WWOX: variants seen among roughly 807,000 people sequenced by gnomAD.
The protein encoded by WWOX is WW domain containing oxidoreductase, also known as WW domain-containing oxidoreductase.
In WWOX, 69 loss-of-function variants were observed where a neutral mutation model predicts 46.2. That is an observed-to-expected ratio of 1.49 (90% CI 1.23 to 1.82). WWOX has a LOEUF of 1.82. Among genes scored for constraint, WWOX ranks in the 40% most tolerant of loss-of-function variants. The pLI is 0.00. For missense variants in WWOX, 919 were observed against 542.6 expected, an observed-to-expected ratio of 1.69 and a Z score of -6.89; for synonymous variants, 359 against 202.6, an observed-to-expected ratio of 1.77 and a Z score of -6.56.
intron 8 of WWOX, among the ~76,000 whole-genome samples, chr16:78,582,405 A>G (rs552155229): frequency 3.0e-4 from 46 of 152,270 alleles, no homozygotes; most frequent in African/African-American, 4.1e-4. Context: ...GGGAGTATCA[A>G]TTTTTCTTAA....
intron 5 of WWOX, among the ~76,000 whole-genome samples, chr16:78,367,582 A>C (rs72796009): frequency 0.046 from 7,003 of 152,152 alleles, 242 homozygotes; most frequent in South Asian, 0.17. Context: ...ACAGAACAAC[A>C]TTTTTGTAAG....
At chr16:79,028,540 C>G (rs1389790191) in intron 8 of WWOX, among the ~76,000 whole-genome samples, 1 of 151,556 alleles carries the variant, frequency 6.6e-6, no homozygotes, top group African/African-American at 2.4e-5. Flanking sequence ...CCCTCCCATC[C>G]TTTCTTGCTT....
At chr16:78,802,098 A>C (rs1198931793) in intron 8 of WWOX, among the ~76,000 whole-genome samples, 3 of 151,962 alleles carry the variant, frequency 2.0e-5, no homozygotes, top group Non-Finnish European at 4.4e-5. Flanking sequence ...GTGACAAGGA[A>C]TGTGCCTGTG....
At chr16:78,630,936 G>C (rs1285993298) in intron 8 of WWOX, among the ~76,000 whole-genome samples, 2 of 152,106 alleles carry the variant, frequency 1.3e-5, no homozygotes, top group Non-Finnish European at 1.5e-5. Context: ...AAAAGCATTC[G>C]AACAAACGGA....
chr16:78,965,815 G>T (rs2046353738), intron 8 of WWOX, among the ~76,000 whole-genome samples: 1 of 152,098 alleles, frequency 6.6e-6, no homozygotes, highest in Admixed American at 6.5e-5. Flanking sequence ...GAGGCTTATT[G>T]ATTATTTGTT....
chr16:78,422,062 G>T (rs1023525301), intron 6 of WWOX, among the ~76,000 whole-genome samples: 1 of 152,110 alleles, frequency 6.6e-6, no homozygotes, highest in African/African-American at 2.4e-5. Context: ...GTAGTTGGAC[G>T]TGTTAAATAT....
chr16:79,059,473 C>T (rs1308417439), intron 8 of WWOX, among the ~76,000 whole-genome samples: 1 of 152,158 alleles, frequency 6.6e-6, no homozygotes, highest in Non-Finnish European at 1.5e-5. Flanking sequence ...GCCATTGCAT[C>T]TCAGTCTTTT....
intron 8 of WWOX, among the ~76,000 whole-genome samples, chr16:78,445,411 G>A (rs4338816): frequency 0.15 from 22,971 of 152,044 alleles, 2,336 homozygotes; most frequent in East Asian, 0.29. Context: ...AACATAAGCC[G>A]GGTGCTTTGC....
intron 8 of WWOX, among the ~76,000 whole-genome samples, chr16:78,451,306 TGA>T: frequency 6.6e-6 from 1 of 152,370 alleles, no homozygotes; most frequent in African/African-American, 2.4e-5. Context: ...TTTCACTGAA[TGA>T]GTATACATTC....
At chr16:79,139,528 C>G (rs1166724327) in intron 8 of WWOX, among the ~76,000 whole-genome samples, 1 of 152,148 alleles carries the variant, frequency 6.6e-6, no homozygotes, top group Non-Finnish European at 1.5e-5. Context: ...TGTCCAAACA[C>G]GATGTCTTTA....
intron 8 of WWOX, among the ~76,000 whole-genome samples, chr16:78,894,260 A>G (rs917199260): frequency 6.6e-6 from 1 of 152,112 alleles, no homozygotes; most frequent in Admixed American, 6.6e-5. Context: ...AAAGAGTTAT[A>G]CAACACATAC....
intron 5 of WWOX, among the ~76,000 whole-genome samples, chr16:78,385,362 C>T (rs113475043): frequency 6.6e-6 from 1 of 152,184 alleles, no homozygotes; most frequent in Non-Finnish European, 1.5e-5. Context: ...GAAACATCTT[C>T]TCTGCTAGTT....
chr16:78,410,051 GC>G (rs1215530801), intron 6 of WWOX, among the ~76,000 whole-genome samples: 1 of 152,182 alleles, frequency 6.6e-6, no homozygotes, highest in African/African-American at 2.4e-5. Context: ...GAACCCTCAT[GC>G]ATGACTTACG....
At chr16:78,942,093 T>G (rs1233669166) in intron 8 of WWOX, among the ~76,000 whole-genome samples, 3 of 152,148 alleles carry the variant, frequency 2.0e-5, no homozygotes. Context: ...AAGTTCAAAT[T>G]ACGTATGACT....
rs544142277 is a variant in WWOX at position 78,854,352 on chromosome 16, C to T, written c.1057-357256C>T. Among the ~76,000 whole-genome samples, 4 of 152,198 alleles carry T rather than the reference C, an allele frequency of 2.6e-5. No homozygotes were observed. The South Asian group carries it at 6.2e-4, about 24-fold the overall frequency. ...ATTCCTTGGTTCAGCAAAATGAAAC[C>T]TTTAAGTCTTTTAGCACCAAATGTT... On this transcript the variant is annotated intron_variant, in intron 8 of 8. Coordinates refer to ENST00000566780, the MANE Select transcript of WWOX (RefSeq NM_016373.4).
intron 8 of WWOX, among the ~76,000 whole-genome samples, chr16:78,838,559 TGGCTG>T (rs2052052875): frequency 1.3e-5 from 2 of 152,162 alleles, no homozygotes. Context: ...AGAAAACAGA[TGGCTG>T]GGCACGGTGG....
intron 8 of WWOX, among the ~76,000 whole-genome samples, chr16:78,941,367 G>A (rs992786602): frequency 2.0e-5 from 3 of 152,020 alleles, no homozygotes; most frequent in Admixed American, 1.3e-4. Context: ...TCCCCGCCTT[G>A]GAAGCTCCGT....
At chr16:78,678,292 C>T (rs1335868560) in intron 8 of WWOX, among the ~76,000 whole-genome samples, 1 of 152,178 alleles carries the variant, frequency 6.6e-6, no homozygotes, top group African/African-American at 2.4e-5. Context: ...AGGAGGATCG[C>T]TTGAGCCCAG....
chr16:78,944,158 G>C lies in WWOX; in HGVS notation c.1057-267450G>C, dbSNP rs138974878. Among the ~76,000 whole-genome samples the C allele has an allele frequency of 2.3e-4, 35 of 152,260 alleles. 1 individual carries two copies. In the East Asian group the frequency reaches 3.9e-3, roughly 17 times the overall value. ...GCCTATGATAAGATTGTTGTTGATT[G>C]ATTTTTGTCTTTCAAGACTCAGCAC... On this transcript the variant is annotated intron_variant, in intron 8 of 8. Coordinates refer to ENST00000566780, the MANE Select transcript of WWOX (RefSeq NM_016373.4).
Sources: allele counts gnomAD v4.1 joint callset (sites outside exome capture counted in the v4.1 genomes callset), GRCh38; gene constraint gnomAD v4.1.1; transcripts MANE v1.5; gene names NCBI Gene and HGNC (gene_info 2026-07-23, HGNC 2026-07-21).